PHRF1: variants seen among roughly 807,000 people sequenced by gnomAD.
PHRF1 encodes the protein PHD and RING finger domain-containing protein 1.
Under a neutral mutation model 128.9 loss-of-function variants are expected in PHRF1, and 53 were observed. That is an observed-to-expected ratio of 0.41 (90% confidence interval 0.33 to 0.52). The LOEUF (loss-of-function observed/expected upper bound fraction) is 0.52. Among genes scored for constraint, PHRF1 ranks in the 20% least tolerant of loss-of-function variants. PHRF1 has a pLI of 0.21. For synonymous variants in PHRF1, 1,178 were observed against 980.6 expected, an observed-to-expected ratio of 1.20 and a Z score of -3.76; for missense variants, 2,503 against 2,284.5, an observed-to-expected ratio of 1.10 and a Z score of -1.95.
chr11:607,093 G>A lies in PHRF1; in HGVS notation c.1637G>A (p.Gly546Asp), dbSNP rs201348815. ...CCAGTTTCTTTTCAGCGAAACTCAG[G>A]CAGTCTGTCCAGAGGGGAAGAAGGA... ...AAPVSFQRNS[G>D]SLSRGEEGFK... The change falls in exon 14 of 18, where the codon GGC becomes GAC. Residue 546 changes from glycine to aspartate, a missense_variant. Transcript: ENST00000264555. 16 of 1,559,656 alleles carry A rather than the reference G, an allele frequency of 1.0e-5. No homozygotes were observed. Among genetic ancestry groups the A allele is most frequent in the African/African-American group, 1.4e-5 (1 of 72,402 alleles).
chr11:611,218 G>A (rs1856374253), intron 17 of PHRF1, 136 bp downstream of exon 17: 22 of 1,386,218 alleles, frequency 1.6e-5, no homozygotes, highest in Non-Finnish European at 2.1e-5. Flanking sequence ...TCAGGGGGCT[G>A]TATTGCCACA....
chr11:600,525 ATTTCTCCG>A (rs1421087925), intron 9 of PHRF1, among the ~76,000 whole-genome samples: 1 of 135,954 alleles, frequency 7.4e-6, no homozygotes, highest in Non-Finnish European at 1.5e-5. Context: ...TATATGGTTT[ATTTCTCCG>A]TTTAAAAATC....
rs1034868306 is a variant in PHRF1, at chr11:610,338, C to T, written c.4407C>T (p.Asp1469=). Residue 1469 remains aspartate (D), a synonymous_variant, in exon 15 of 18, where the codon GAC becomes GAT. Transcript: ENST00000264555. ...VLPEPGFPDT[D]PSQVYSPGLP... ...CGGAACCCGGGTTCCCAGACACAGA[C>T]CCCTCTCAGGTGGGTGTCTGGGCTG... The T allele has an allele frequency of 3.2e-5, 50 of 1,564,862 alleles. No homozygotes were observed. The highest frequency in any genetic ancestry group is 6.8e-5 in the African/African-American group (5 of 73,660).
chr11:593,108 TC>T (rs1342604389), intron 6 of PHRF1, among the ~76,000 whole-genome samples: 2 of 152,164 alleles, frequency 1.3e-5, no homozygotes, highest in Non-Finnish European at 2.9e-5. Flanking sequence ...CCTGCTGCTC[TC>T]CCTGGCACAG....
rs1856426831 is a variant in PHRF1, at chr11:611,859, G to C, written c.*82G>C. On this transcript the variant is annotated 3_prime_UTR_variant, in exon 18 of 18. Transcript: ENST00000264555. ...CCATGCCCGGGGAGCTGTCGGGAGT[G>C]GCGGGAATCGGGGCCATGCCCGGGG... The C allele has an allele frequency of 6.7e-7, 1 of 1,503,178 alleles. No individual in the cohort carries two copies. The highest frequency in any genetic ancestry group is 1.3e-5 in the South Asian group (1 of 79,796). 93.1% of individuals were successfully genotyped at this position (1,503,178 alleles called of 1,614,324 possible).
chr11:610,346 A>G lies in PHRF1; in HGVS notation c.4415A>G (p.Gln1472Arg). The G allele has an allele frequency of 6.4e-7, 1 of 1,562,016 alleles. No homozygotes were observed. The highest frequency in any genetic ancestry group is 8.7e-7 in the Non-Finnish European group (1 of 1,153,172). Residue 1472 changes from glutamine (Q) to arginine (R), a missense_variant and splice_region_variant, in exon 15 of 18, where the codon CAG becomes CGG. By Grantham distance (43) the Gln-to-Arg change is conservative. Coordinates refer to ENST00000264555, the MANE Select transcript of PHRF1 (RefSeq NM_001286581.2). Reference sequence around the variant, plus strand: ...GGGTTCCCAGACACAGACCCCTCTCAGGTGGGTGTCTGGGCTGGAGGGCTG... The same window carrying G: ...GGGTTCCCAGACACAGACCCCTCTCGGGTGGGTGTCTGGGCTGGAGGGCTG... ...EPGFPDTDPS[Q>R]VYSPGLPPAP...
chr11:576,978 C>G (rs571281280), intron 1 of PHRF1, among the ~76,000 whole-genome samples: 1 of 152,220 alleles, frequency 6.6e-6, no homozygotes, highest in African/African-American at 2.4e-5. Context: ...CGAGAGCCCA[C>G]TCGCCTCGCT....
chr11:605,355 G>A, intron 11 of PHRF1, 55 bp downstream of exon 11: 1 of 1,592,560 alleles, frequency 6.3e-7, no homozygotes, highest in Non-Finnish European at 8.6e-7. Context: ...CCTGGGGGCT[G>A]TGGGCACGGG....
chr11:586,308 C>CT (rs1286485631), intron 3 of PHRF1, among the ~76,000 whole-genome samples: 1 of 152,234 alleles, frequency 6.6e-6, no homozygotes, highest in Non-Finnish European at 1.5e-5. Flanking sequence ...CTCTTCAACT[C>CT]TTAACATGAA....
intron 10 of PHRF1, among the ~76,000 whole-genome samples, chr11:603,758 G>A (rs1855787053): frequency 8.7e-6 from 1 of 114,660 alleles, no homozygotes; most frequent in African/African-American, 3.5e-5. Context: ...TTTTGAGATG[G>A]AGTTTCGCTC....
chr11:587,744 A>G (rs1854659923), intron 4 of PHRF1, among the ~76,000 whole-genome samples: 1 of 152,172 alleles, frequency 6.6e-6, no homozygotes. Context: ...CCTGGTTGAC[A>G]TAGGGGCCAT....
At chr11:592,119 G>C (rs1217326405) in intron 5 of PHRF1, among the ~76,000 whole-genome samples, 1 of 151,812 alleles carries the variant, frequency 6.6e-6, no homozygotes, top group East Asian at 1.9e-4. Flanking sequence ...GTTTCACTGT[G>C]TTAGCCAGGA....
At chr11:578,664 G>C (rs1854028649) in intron 1 of PHRF1, among the ~76,000 whole-genome samples, 1 of 152,214 alleles carries the variant, frequency 6.6e-6, no homozygotes, top group Non-Finnish European at 1.5e-5. Flanking sequence ...CTCCTGAGCT[G>C]AAGTGATCTT....
At chr11:582,862 CT>C (rs1192171721) in intron 3 of PHRF1, among the ~76,000 whole-genome samples, 1 of 151,384 alleles carries the variant, frequency 6.6e-6, no homozygotes, top group African/African-American at 2.4e-5. Flanking sequence ...GTGAAACCCC[CT>C]CTCTACTACA....
Position 609,305 on chromosome 11 carries a change from C to T in PHRF1, c.3849C>T (p.Leu1283=), listed in dbSNP as rs765894190. ...DFSSDAVFIQ[L]DDMSSPPSPE... ...CAAGCGACGCCGTTTTCATCCAGCT[C>T]GATGACATGAGCTCGCCACCTTCTC... The change falls in exon 14 of 18, where the codon CTC becomes CTT. Residue 1283 remains leucine (L), a synonymous_variant. Transcript: ENST00000264555. The T allele has an allele frequency of 1.5e-4, 248 of 1,612,528 alleles. 3 individuals are homozygous for T. The highest frequency in any genetic ancestry group is 8.2e-4 in the Middle Eastern group (5 of 6,062).
chr11:608,145 G>T lies in PHRF1; in HGVS notation c.2689G>T (p.Gly897Ter). The T allele has an allele frequency of 6.2e-7, 1 of 1,611,294 alleles. No homozygotes were observed. The change falls in exon 14 of 18, where the codon GGA (glycine) becomes TGA (stop). Residue 897 changes from glycine to a stop codon, truncating the protein, a stop_gained. Transcript: ENST00000264555. LOFTEE classifies it high-confidence loss of function. The stretch of plus-strand genomic sequence containing the variant: ...TGGTACAGAGCCCGAACCCCCTCTC[G>T]GACCGTCCTCCGCCATGTCCAAGCT... ...IFGTEPEPPL[G>*]PSSAMSKLRG...
chr11:577,862 T>G (rs1853979400), intron 1 of PHRF1, among the ~76,000 whole-genome samples: 1 of 152,238 alleles, frequency 6.6e-6, no homozygotes, highest in South Asian at 2.1e-4. Flanking sequence ...AATGCATTGG[T>G]TCCCCTGAAT....
At chr11:595,801 G>A (rs1379642305) in intron 6 of PHRF1, among the ~76,000 whole-genome samples, 2 of 152,238 alleles carry the variant, frequency 1.3e-5, no homozygotes, top group South Asian at 2.1e-4. Context: ...TTGAAAGAAG[G>A]TACTGCTCAT....
chr11:577,672 G>C (rs1853961789), intron 1 of PHRF1, among the ~76,000 whole-genome samples: 1 of 152,236 alleles, frequency 6.6e-6, no homozygotes, highest in Non-Finnish European at 1.5e-5. Context: ...TCTCCTAGCT[G>C]ATACAGCAGA....
Sources: allele counts gnomAD v4.1 joint callset (sites outside exome capture counted in the v4.1 genomes callset), GRCh38; gene constraint gnomAD v4.1.1; transcripts MANE v1.5; gene names NCBI Gene and HGNC (gene_info 2026-07-23, HGNC 2026-07-21).